The following TXN variants were observed in gnomAD, a reference collection of about 807,000 sequenced individuals.
TXN encodes the protein thioredoxin.
In TXN, 10 loss-of-function variants were observed where a neutral mutation model predicts 16.5. That is an observed-to-expected ratio of 0.61 (90% CI 0.37 to 1.03). TXN has a LOEUF of 1.03. Among genes scored for constraint, TXN ranks in the 50% least tolerant of loss-of-function variants. The probability of loss-of-function intolerance (pLI) is 0.01; values close to 1 mark genes in which losing one functional copy is unlikely to be tolerated. For missense variants in TXN, 71 were observed against 122.5 expected, an observed-to-expected ratio of 0.58 and a Z score of 1.98; for synonymous variants, 35 against 39.4, an observed-to-expected ratio of 0.89 and a Z score of 0.42.
At chr9:110,250,730 T>G in intron 3 of TXN, 90 bp downstream of exon 3, 1 of 1,030,636 alleles carries the variant, frequency 9.7e-7, no homozygotes, top group Non-Finnish European at 1.5e-6. Context: ...TAGAATTATT[T>G]GACATATTTA....
intron 1 of TXN, among the ~76,000 whole-genome samples, chr9:110,255,366 T>C (rs1272695225): frequency 6.6e-6 from 1 of 152,256 alleles, no homozygotes; most frequent in Non-Finnish European, 1.5e-5. Flanking sequence ...CACTGCGCGT[T>C]AGGCTCTGGG....
At chr9:110,252,650 T>G (rs1032884414) in intron 1 of TXN, among the ~76,000 whole-genome samples, 24 of 152,176 alleles carry the variant, frequency 1.6e-4, no homozygotes, top group Admixed American at 2.0e-4. Context: ...TCATTTTTGT[T>G]TTGTTTTGTT....
chr9:110,245,599 A>ATC (rs1837637368), intron 3 of TXN, among the ~76,000 whole-genome samples: 1 of 77,984 alleles, frequency 1.3e-5, no homozygotes, highest in Non-Finnish European at 2.4e-5. Flanking sequence ...GTGTGTATAT[A>ATC]TATACACACA....
chr9:110,244,302 T>C, intron 4 of TXN, 83 bp from the exon 5 acceptor site: 1 of 432,538 alleles, frequency 2.3e-6, no homozygotes, highest in Non-Finnish European at 3.8e-6. Flanking sequence ...TATGTATTTA[T>C]ATATATACAT....
At chr9:110,244,278 AAAATATGTAT>A in intron 4 of TXN, 59 bp from the exon 5 acceptor site, 1 of 669,756 alleles carries the variant, frequency 1.5e-6, no homozygotes, top group Non-Finnish European at 2.2e-6. Context: ...TTTTATACAT[AAAATATGTAT>A]AAATATGTAT....
At chr9:110,253,439 A>G (rs1184345033) in intron 1 of TXN, among the ~76,000 whole-genome samples, 1 of 152,190 alleles carries the variant, frequency 6.6e-6, no homozygotes, top group African/African-American at 2.4e-5. Context: ...AGCCTTCCCT[A>G]ATGTGATTTT....
chr9:110,245,621 T>C (rs1218605608), intron 3 of TXN, among the ~76,000 whole-genome samples: 327 of 20,450 alleles, frequency 0.016, 13 homozygotes, highest in East Asian at 0.11. Flanking sequence ...ACACACACTA[T>C]ATATATATAT....
chr9:110,246,102 TG>T (rs4135213), intron 3 of TXN, among the ~76,000 whole-genome samples: 44,165 of 151,924 alleles, frequency 0.29, 6,539 homozygotes, highest in Admixed American at 0.33. Flanking sequence ...TCTCAAACCT[TG>T]CTGCAGTATC....
Position 110,255,744 on chromosome 9 carries a change from G to C in TXN, c.24+668C>G, listed in dbSNP as rs4135161. ...CTGGACAGACCTGCACGTGCCAGGG[G>C]GTCTCCAGCCGCAATCCGCCCCCTT... On this transcript the variant is annotated intron_variant, in intron 1 of 4. Coordinates refer to ENST00000374517, the MANE Select transcript of TXN (RefSeq NM_003329.4). Among the ~76,000 whole-genome samples the C allele has an allele frequency of 3.9e-3, 601 of 152,314 alleles. 7 individuals carry two copies. Among genetic ancestry groups the C allele is most frequent in the African/African-American group, 0.014 (575 of 41,568 alleles).
At chr9:110,245,654 A>ATATATATATATATATTTTTTT (rs1232332404) in intron 3 of TXN, among the ~76,000 whole-genome samples, 1 of 21,770 alleles carries the variant, frequency 4.6e-5, no homozygotes, top group African/African-American at 2.0e-4. Flanking sequence ...ATATATATAT[A>ATATATATATATATATTTTTTT]TTTTTTTTTT....
chr9:110,250,444 C>A (rs1564080338), intron 3 of TXN, among the ~76,000 whole-genome samples: 1 of 152,192 alleles, frequency 6.6e-6, no homozygotes, highest in East Asian at 1.9e-4. Context: ...ACTGCAAGTT[C>A]ACAAAGAGCC....
At chr9:110,254,447 A>C (rs2118583257) in intron 1 of TXN, among the ~76,000 whole-genome samples, 1 of 152,336 alleles carries the variant, frequency 6.6e-6, no homozygotes, top group Non-Finnish European at 1.5e-5. Context: ...GCTTGAACTC[A>C]GGAGGTGGAG....
rs1167823656 is a variant in TXN at position 110,244,100 on chromosome 9, TA to T, written c.*56del. ...CTTCATATTTTATATTTTTGTAAAT[TA>T]AAAAAATTACAAGTTTTAAATAGCC... On this transcript the variant is annotated 3_prime_UTR_variant, in exon 5 of 5. Coordinates refer to ENST00000374517, the MANE Select transcript of TXN (RefSeq NM_003329.4). 27 of 1,122,444 alleles carry T rather than the reference TA, an allele frequency of 2.4e-5. No homozygotes were observed. The highest frequency in any genetic ancestry group is 4.0e-5 in the South Asian group (2 of 49,434). The allele number at this position is 1,122,444 out of a possible 1,614,324, so 69.5% of individuals were successfully genotyped here. A position where few individuals can be genotyped will look rare whatever the true frequency, so the allele number is the denominator to read the frequency against.
chr9:110,254,981 T>C (rs538003331), intron 1 of TXN, among the ~76,000 whole-genome samples: 3 of 152,306 alleles, frequency 2.0e-5, no homozygotes, highest in Non-Finnish European at 2.9e-5. Flanking sequence ...ACTAAGGATC[T>C]TTTCAACACA....
At chr9:110,248,286 C>T (rs183443456) in intron 3 of TXN, among the ~76,000 whole-genome samples, 12 of 152,348 alleles carry the variant, frequency 7.9e-5, no homozygotes, top group Admixed American at 3.3e-4. Context: ...CTCACTGACT[C>T]GCCCAGAGCA....
intron 1 of TXN, among the ~76,000 whole-genome samples, 199 bp from the exon 2 acceptor site, chr9:110,251,661 T>A (rs1380854175): frequency 6.7e-6 from 1 of 148,734 alleles, no homozygotes; most frequent in Non-Finnish European, 1.5e-5. Context: ...TTCTATACAT[T>A]GTTGGTAGTG....
Position 110,245,618 on chromosome 9 carries a change from CTATAT to C in TXN, c.190-780_190-776del, listed in dbSNP as rs1308037550. Among the ~76,000 whole-genome samples, 156 of 30,838 alleles carry C rather than the reference CTATAT, an allele frequency of 5.1e-3. 1 individual carries two copies. The highest frequency in any genetic ancestry group is 8.0e-3 in the Admixed American group (11 of 1,368). 20.2% of individuals were successfully genotyped at this position (30,838 alleles called of 152,430 possible). On this transcript the variant is annotated intron_variant, in intron 3 of 4. Coordinates refer to ENST00000374517, the MANE Select transcript of TXN (RefSeq NM_003329.4). The stretch of plus-strand genomic sequence containing the variant: ...GTATATATATACACACACACACACA[CTATAT>C]ATATATATATATATATATATATATA...
rs71302631 is a variant in TXN, at chr9:110,249,125, CAAAAAAAAAAAAAAA to C, written c.189+1680_189+1694del. 4.6e-4 allele frequency among the ~76,000 whole-genome samples: 25 copies of C among 53,846 alleles called. 1 individual carries two copies. Among genetic ancestry groups the C allele is most frequent in the Admixed American group, 4.3e-3 (13 of 3,058 alleles). 35.3% of individuals were successfully genotyped at this position (53,846 alleles called of 152,430 possible). A position where few individuals can be genotyped will look rare whatever the true frequency, so the allele number is the denominator to read the frequency against. ...CCAGGTGACAGAGTGAACTCCATCT[CAAAAAAAAAAAAAAA>C]AAAAAAAAAAAAAAAAAAATCAAGT... On this transcript the variant is annotated intron_variant, in intron 3 of 4. Coordinates refer to ENST00000374517, the MANE Select transcript of TXN (RefSeq NM_003329.4).
chr9:110,244,937 G>A, intron 3 of TXN, 94 bp from the exon 4 acceptor site: 4 of 904,612 alleles, frequency 4.4e-6, no homozygotes, highest in Non-Finnish European at 7.2e-6. Context: ...ACTTTTCCCT[G>A]TCATGTACCC....
Sources: allele counts gnomAD v4.1 joint callset (sites outside exome capture counted in the v4.1 genomes callset), GRCh38; gene constraint gnomAD v4.1.1; transcripts MANE v1.5; gene names NCBI Gene and HGNC (gene_info 2026-07-23, HGNC 2026-07-21).